ANKDD1B: variants seen among roughly 807,000 people sequenced by gnomAD.
The protein encoded by ANKDD1B is ankyrin repeat and death domain-containing protein 1B.
Under a neutral mutation model 59.7 loss-of-function variants are expected in ANKDD1B, and 57 were observed. That is an observed-to-expected ratio of 0.95 (90% CI 0.77 to 1.19). ANKDD1B has a LOEUF of 1.19. Among genes scored for constraint, ANKDD1B ranks in the 50% most tolerant of loss-of-function variants. The pLI, the probability that ANKDD1B is intolerant of heterozygous loss-of-function variation, is 0.00. For synonymous variants in ANKDD1B, 216 were observed against 239.5 expected, an observed-to-expected ratio of 0.90 and a Z score of 0.91; for missense variants, 602 against 641.9, an observed-to-expected ratio of 0.94 and a Z score of 0.67.
intron 7 of ANKDD1B, among the ~76,000 whole-genome samples, chr5:75,641,442 C>T (rs1774458850): frequency 1.3e-5 from 2 of 152,246 alleles, no homozygotes; most frequent in Middle Eastern, 3.4e-3. Flanking sequence ...TACTCCAACC[C>T]CACATCGCAA....
intron 1 of ANKDD1B, among the ~76,000 whole-genome samples, chr5:75,615,668 CTGTGTG>C (rs113185824): frequency 9.6e-4 from 138 of 144,324 alleles, no homozygotes; most frequent in African/African-American, 2.5e-3. Flanking sequence ...CTGGTCTTCC[CTGTGTG>C]TGTGTGTGTG....
intron 7 of ANKDD1B, among the ~76,000 whole-genome samples, chr5:75,649,184 CT>C (rs35027297): frequency 0.018 from 2,326 of 125,874 alleles, 29 homozygotes; most frequent in African/African-American, 0.046. Flanking sequence ...TTCCTCTTTA[CT>C]TTTTTTTTTT....
rs1775473614 is a variant in ANKDD1B, at chr5:75,671,207, A to C, written c.*167A>C. ...ATACCATGATACTTTTCAACCACTA[A>C]AAAGTCAAATATAGTTTTTTTTGCT... On this transcript the variant is annotated 3_prime_UTR_variant, in exon 14 of 14. Coordinates refer to ENST00000601380, the MANE Select transcript of ANKDD1B (RefSeq NM_001276713.2). The C allele has an allele frequency of 2.6e-6, 1 of 385,342 alleles. No individual in the cohort carries two copies. The highest frequency in any genetic ancestry group is 3.7e-5 in the East Asian group (1 of 26,760). The allele number at this position is 385,342 out of a possible 1,614,324, so 23.9% of individuals were successfully genotyped here. A position where few individuals can be genotyped will look rare whatever the true frequency, so the allele number is the denominator to read the frequency against.
At chr5:75,614,266 C>T (rs537361831) in intron 1 of ANKDD1B, among the ~76,000 whole-genome samples, 1 of 152,336 alleles carries the variant, frequency 6.6e-6, no homozygotes, top group African/African-American at 2.4e-5. Context: ...CCAAATGACA[C>T]CTGCACACAC....
chr5:75,649,218 A>G (rs1415221497), intron 7 of ANKDD1B, among the ~76,000 whole-genome samples: 1 of 150,050 alleles, frequency 6.7e-6, no homozygotes, highest in African/African-American at 2.5e-5. Context: ...AATTGCTCTA[A>G]AAGGCTTTTT....
chr5:75,633,397 G>A (rs983071831), intron 5 of ANKDD1B, among the ~76,000 whole-genome samples: 6 of 152,026 alleles, frequency 3.9e-5, no homozygotes, highest in East Asian at 1.9e-4. Context: ...TTTTGTCTTC[G>A]CTTTTTGCCA....
chr5:75,617,641 A>C (rs1015270912), intron 2 of ANKDD1B, among the ~76,000 whole-genome samples: 4 of 152,226 alleles, frequency 2.6e-5, no homozygotes, highest in African/African-American at 9.6e-5. Flanking sequence ...TATACGAAGC[A>C]TAAGCTTCAG....
intron 5 of ANKDD1B, among the ~76,000 whole-genome samples, chr5:75,630,408 T>A (rs1774117503): frequency 6.6e-6 from 1 of 152,226 alleles, no homozygotes. Flanking sequence ...TGCTTTTACA[T>A]CTTTTTCCTG....
At chr5:75,638,038 A>G (rs1412956733) in intron 7 of ANKDD1B, among the ~76,000 whole-genome samples, 1 of 152,142 alleles carries the variant, frequency 6.6e-6, no homozygotes, top group Non-Finnish European at 1.5e-5. Context: ...GCCACCTCTT[A>G]ATCTTATTGC....
At chr5:75,616,957 G>A in intron 2 of ANKDD1B, 50 bp downstream of exon 2, 1 of 787,794 alleles carries the variant, frequency 1.3e-6, no homozygotes, top group East Asian at 2.7e-5. Context: ...TAATGGCTTG[G>A]ATTTACACAG....
chr5:75,671,118 T>C lies in ANKDD1B; in HGVS notation c.*78T>C, dbSNP rs1775469594. On this transcript the variant is annotated 3_prime_UTR_variant, in exon 14 of 14. Coordinates refer to ENST00000601380, the MANE Select transcript of ANKDD1B (RefSeq NM_001276713.2). ...TAATGCCATAAATTTCTTCTAGCAG[T>C]AGCACTGATTTTCAACTATGATGAT... is the stretch of plus-strand genomic sequence containing the variant. 1.7e-6 allele frequency: 1 copy of C among 598,714 alleles called. No individual in the cohort carries two copies. Among genetic ancestry groups the C allele is most frequent in the Non-Finnish European group, 2.4e-6 (1 of 409,880 alleles). 37.1% of individuals were successfully genotyped at this position (598,714 alleles called of 1,614,324 possible). A position where few individuals can be genotyped will look rare whatever the true frequency, so the allele number is the denominator to read the frequency against.
chr5:75,622,208 G>T (rs945748832), intron 3 of ANKDD1B, among the ~76,000 whole-genome samples: 2 of 152,182 alleles, frequency 1.3e-5, no homozygotes, highest in Non-Finnish European at 2.9e-5. Flanking sequence ...AACTACTGAG[G>T]ATTCAATTAG....
chr5:75,647,490 C>G (rs1162638089), intron 7 of ANKDD1B, among the ~76,000 whole-genome samples: 4 of 126,232 alleles, frequency 3.2e-5, no homozygotes, highest in Non-Finnish European at 4.7e-5. Context: ...AGCCAAAAAA[C>G]ACATGAAAAA....
chr5:75,667,002 A>G lies in ANKDD1B; in HGVS notation c.1393+9A>G. 2 of 1,429,204 alleles carry G rather than the reference A, an allele frequency of 1.4e-6. No homozygotes were observed. The highest frequency in any genetic ancestry group is 1.8e-6 in the Non-Finnish European group (2 of 1,094,524). The allele number at this position is 1,429,204 out of a possible 1,614,324, so 88.5% of individuals were successfully genotyped here. A position where few individuals can be genotyped will look rare whatever the true frequency, so the allele number is the denominator to read the frequency against. On this transcript the variant is annotated intron_variant, in intron 12 of 13. Transcript: ENST00000601380. ...TGAGGAGCAGTGGTCGGGTGAGTACAGACTAGATGATGTGGGCAGGAGGAA... is the reference window on the plus strand; with the variant it reads ...TGAGGAGCAGTGGTCGGGTGAGTACGGACTAGATGATGTGGGCAGGAGGAA...
chr5:75,658,628 T>C (rs1056817503), intron 9 of ANKDD1B, among the ~76,000 whole-genome samples: 1 of 152,250 alleles, frequency 6.6e-6, no homozygotes, highest in Non-Finnish European at 1.5e-5. Flanking sequence ...CTAGACCTTA[T>C]CATTAGCATT....
At chr5:75,632,513 G>T (rs1257368430) in intron 5 of ANKDD1B, among the ~76,000 whole-genome samples, 1 of 152,164 alleles carries the variant, frequency 6.6e-6, no homozygotes, top group African/African-American at 2.4e-5. Flanking sequence ...CCTAGCATGT[G>T]ACCATCCCTG....
At chr5:75,617,650 A>G (rs574603055) in intron 2 of ANKDD1B, among the ~76,000 whole-genome samples, 1 of 152,342 alleles carries the variant, frequency 6.6e-6, no homozygotes, top group African/African-American at 2.4e-5. Flanking sequence ...CATAAGCTTC[A>G]GGGCCCTTGC....
chr5:75,618,767 A>T (rs990953362), intron 2 of ANKDD1B, among the ~76,000 whole-genome samples: 3 of 152,148 alleles, frequency 2.0e-5, no homozygotes, highest in Non-Finnish European at 4.4e-5. Flanking sequence ...TTGTTTTGAG[A>T]TGGAGTCTTG....
chr5:75,616,700 T>C (rs775820678), intron 1 of ANKDD1B, 104 bp from the exon 2 acceptor site: 3 of 493,608 alleles, frequency 6.1e-6, no homozygotes, highest in Non-Finnish European at 1.1e-5. Flanking sequence ...AACAGCAAAA[T>C]GTGAAAGACT....
Sources: gnomAD v4.1 joint callset for allele counts (sites outside exome capture counted in the v4.1 genomes callset) on GRCh38, gnomAD v4.1.1 for gene constraint, MANE v1.5 for transcripts, NCBI Gene and HGNC (gene_info 2026-07-23, HGNC 2026-07-21) for gene names.